Variants in PHRF1 observed in about 807,000 individuals in gnomAD.
PHRF1 encodes the protein PHD and RING finger domain-containing protein 1.
A neutral mutation model predicts 128.9 loss-of-function variants in PHRF1; 53 were observed. The ratio of observed to expected loss-of-function variants is 0.41; its 90% CI spans 0.33 to 0.52. The LOEUF is 0.52. Among genes scored for constraint, PHRF1 ranks in the 20% least tolerant of loss-of-function variants. The probability of loss-of-function intolerance (pLI) is 0.21; values close to 1 mark genes in which losing one functional copy is unlikely to be tolerated. For synonymous variants in PHRF1, 1,178 were observed against 980.6 expected (o/e 1.20, Z -3.76); for missense variants, 2,503 against 2,284.5 (o/e 1.10, Z -1.95).
At position 612,083 on chromosome 11, in the gene PHRF1, G is replaced by A. The variant is rs746244851; in HGVS notation, c.*306G>A. 1 of 419,348 alleles carries A rather than the reference G, an allele frequency of 2.4e-6. No homozygotes were observed. The highest frequency in any genetic ancestry group is 4.2e-6 in the Non-Finnish European group (1 of 235,738). 26.0% of individuals were successfully genotyped at this position (419,348 alleles called of 1,614,324 possible). A position where few individuals can be genotyped will look rare whatever the true frequency, so the allele number is the denominator to read the frequency against. On this transcript the variant is annotated 3_prime_UTR_variant, in exon 18 of 18. Coordinates refer to ENST00000264555, the MANE Select transcript of PHRF1 (RefSeq NM_001286581.2). ...AAACCTCTTGATTGACTTACTACTT[G>A]GAAGATAAAGCACTTGGTGATCAAG... is the stretch of plus-strand genomic sequence containing the variant.
At chr11:600,974 A>G (rs1309499432) in intron 9 of PHRF1, among the ~76,000 whole-genome samples, 1 of 152,104 alleles carries the variant, frequency 6.6e-6, no homozygotes, top group Non-Finnish European at 1.5e-5. Flanking sequence ...TCAAAAAAAC[A>G]AAACAAAATA....
Position 607,332 on chromosome 11 carries a change from C to CAG in PHRF1, c.1879_1880dup (p.Ser627ArgfsTer42). On this transcript the variant is annotated frameshift_variant, in exon 14 of 18. Coordinates refer to ENST00000264555, the MANE Select transcript of PHRF1 (RefSeq NM_001286581.2). LOFTEE classifies it high-confidence loss of function. ...AAATGGGAGTGTGCCTGGCTTCAGA[C>CAG]AGAGCCACAGCCCCTGGTTCAACGG... 6.2e-7 allele frequency: 1 copy of CAG among 1,612,714 alleles called. No individual in the cohort carries two copies. Among genetic ancestry groups the CAG allele is most frequent in the Non-Finnish European group, 8.5e-7 (1 of 1,179,886 alleles).
At chr11:603,930 C>T (rs370444544) in intron 10 of PHRF1, among the ~76,000 whole-genome samples, 3 of 151,052 alleles carry the variant, frequency 2.0e-5, no homozygotes, top group African/African-American at 7.3e-5. Flanking sequence ...CTTGAACTCC[C>T]GACCTCAAGT....
intron 6 of PHRF1, among the ~76,000 whole-genome samples, chr11:595,667 A>T (rs1403900936): frequency 6.6e-6 from 1 of 152,212 alleles, no homozygotes; most frequent in African/African-American, 2.4e-5. Flanking sequence ...CTGGCTGTGG[A>T]TGGGCGCCTG....
At chr11:590,903 GT>G (rs1564846323) in intron 4 of PHRF1, among the ~76,000 whole-genome samples, 1 of 152,032 alleles carries the variant, frequency 6.6e-6, no homozygotes, top group Non-Finnish European at 1.5e-5. Context: ...GGGTTTCTCT[GT>G]GTCAGTCAGG....
Position 607,249 on chromosome 11 carries a change from C to G in PHRF1, c.1793C>G (p.Ala598Gly). Residue 598 changes from alanine to glycine, a missense_variant, in exon 14 of 18, where the codon GCG becomes GGG. By Grantham distance (60) the Ala-to-Gly change is moderately conservative (BLOSUM62 0). Coordinates refer to ENST00000264555, the MANE Select transcript of PHRF1 (RefSeq NM_001286581.2). ...CGCACCCCCGCCCGCACCGCGGGGG[C>G]GCCTGTGAGGCTGGACTTGCCAGCA... ...RSRTPARTAGAPVRLDLPAAP... is the reference protein window; with the variant it reads ...RSRTPARTAGGPVRLDLPAAP... The G allele has an allele frequency of 6.2e-7, 1 of 1,612,474 alleles. No homozygotes were observed. The highest frequency in any genetic ancestry group is 8.5e-7 in the Non-Finnish European group (1 of 1,179,774).
chr11:603,765 G>A (rs572078549), intron 10 of PHRF1, among the ~76,000 whole-genome samples: 18 of 99,680 alleles, frequency 1.8e-4, no homozygotes, highest in African/African-American at 5.8e-4. Flanking sequence ...ATGGAGTTTC[G>A]CTCTTGTTGC....
chr11:606,394 C>T (rs1219243158), intron 12 of PHRF1, 48 bp from the exon 13 acceptor site: 15 of 1,506,460 alleles, frequency 1.0e-5, no homozygotes, highest in African/African-American at 1.4e-5. Flanking sequence ...TGCGGGCCCT[C>T]AGGCCGTGGG....
intron 4 of PHRF1, among the ~76,000 whole-genome samples, chr11:589,270 G>C (rs1427939573): frequency 6.6e-6 from 1 of 152,180 alleles, no homozygotes; most frequent in African/African-American, 2.4e-5. Flanking sequence ...CATTTAAAGA[G>C]CTTTTCTAAC....
At position 601,628 on chromosome 11, in the gene PHRF1, AAAGT is replaced by A. The variant is rs1476036003; in HGVS notation, c.1083_1086del (p.Ser361ArgfsTer14). ...AAAACCCCGTCCGGACCATCCGCAAAAAGTAAGAGCTCAGCGACAAGATCTAAGA... is the reference window on the plus strand; with the variant it reads ...AAAACCCCGTCCGGACCATCCGCAAAAAGAGCTCAGCGACAAGATCTAAGA... On this transcript the variant is annotated frameshift_variant, in exon 10 of 18. Coordinates refer to ENST00000264555, the MANE Select transcript of PHRF1 (RefSeq NM_001286581.2). LOFTEE classifies it high-confidence loss of function. The A allele has an allele frequency of 6.2e-7, 1 of 1,613,802 alleles. No homozygotes were observed. The highest frequency in any genetic ancestry group is 1.7e-5 in the Admixed American group (1 of 60,012).
At chr11:582,358 G>A (rs571534832) in intron 3 of PHRF1, among the ~76,000 whole-genome samples, 3 of 151,468 alleles carry the variant, frequency 2.0e-5, no homozygotes, top group East Asian at 1.9e-4. Flanking sequence ...TCTGCCTCCC[G>A]GGTTCAAGTG....
intron 1 of PHRF1, among the ~76,000 whole-genome samples, chr11:579,591 C>T (rs1165718920): frequency 6.6e-6 from 1 of 152,180 alleles, no homozygotes; most frequent in African/African-American, 2.4e-5. Context: ...GAGCCAGTGT[C>T]TCTAGGATTC....
At chr11:595,804 C>G (rs1179886269) in intron 6 of PHRF1, among the ~76,000 whole-genome samples, 2 of 152,260 alleles carry the variant, frequency 1.3e-5, no homozygotes, top group African/African-American at 4.8e-5. Flanking sequence ...AAAGAAGGTA[C>G]TGCTCATCCT....
At position 576,532 on chromosome 11, in the gene PHRF1, A is replaced by C. The variant is rs1397115247; in HGVS notation, c.-82A>C. 1 of 149,288 alleles carries C rather than the reference A, an allele frequency of 6.7e-6. No homozygotes were observed. The allele number at this position is 149,288 out of a possible 1,614,324, so 9.2% of individuals were successfully genotyped here. On this transcript the variant is annotated 5_prime_UTR_variant, in exon 1 of 18. Coordinates refer to ENST00000264555, the MANE Select transcript of PHRF1 (RefSeq NM_001286581.2). ...GCGGCGGCGGCCGGGCCTAGGAGCGACTCTCGGTCGTGCAGCGGCGGCGAG... is the reference window on the plus strand; with the variant it reads ...GCGGCGGCGGCCGGGCCTAGGAGCGCCTCTCGGTCGTGCAGCGGCGGCGAG...
At chr11:580,398 C>T (rs1854135395) in intron 1 of PHRF1, among the ~76,000 whole-genome samples, 1 of 152,178 alleles carries the variant, frequency 6.6e-6, no homozygotes, top group South Asian at 2.1e-4. Context: ...GGGGTCCCGG[C>T]TGACGGGTCA....
In PHRF1 at chr11:611,098, G is replaced by C. The variant is rs200726235; in HGVS notation, c.4806+16G>C. The C allele has an allele frequency of 1.2e-6, 2 of 1,612,208 alleles. No homozygotes were observed. Among genetic ancestry groups the C allele is most frequent in the African/African-American group, 2.7e-5 (2 of 74,920 alleles). On this transcript the variant is annotated intron_variant, in intron 17 of 17. Coordinates refer to ENST00000264555, the MANE Select transcript of PHRF1 (RefSeq NM_001286581.2). ...CGTGCAGAAGGTGGGCTGTGTGCGA[G>C]CCTGTGTGTGGGGCTCGGGGTCACG...
chr11:584,253 C>G (rs891557148), intron 3 of PHRF1, among the ~76,000 whole-genome samples: 3 of 152,244 alleles, frequency 2.0e-5, no homozygotes, highest in Admixed American at 6.5e-5. Context: ...CGCACCAGTT[C>G]TGGCGTTGCC....
chr11:599,754 G>C (rs1855519190), intron 9 of PHRF1, among the ~76,000 whole-genome samples: 1 of 151,772 alleles, frequency 6.6e-6, no homozygotes, highest in Admixed American at 6.6e-5. Context: ...GTGTCTGTGG[G>C]TCTGGTGCAG....
At position 610,817 on chromosome 11, in the gene PHRF1, G is replaced by A. The variant is rs536716434; in HGVS notation, c.4677+56G>A. 3.8e-6 allele frequency: 6 copies of A among 1,588,016 alleles called. No individual in the cohort carries two copies. The Admixed American group carries it at 8.4e-5, about 22-fold the overall frequency. On this transcript the variant is annotated intron_variant, in intron 16 of 17. Coordinates refer to ENST00000264555, the MANE Select transcript of PHRF1 (RefSeq NM_001286581.2). ...GTTCCCATCTTACTTTGAAACTAAA[G>A]TTGTTGGGGCTGAGTTTATGGGCGG...
Sources: allele counts gnomAD v4.1 joint callset (sites outside exome capture counted in the v4.1 genomes callset), GRCh38; gene constraint gnomAD v4.1.1; transcripts MANE v1.5; gene names NCBI Gene and HGNC (gene_info 2026-07-23, HGNC 2026-07-21).